ANKS1B: variants seen among roughly 807,000 people sequenced by gnomAD.
The protein encoded by ANKS1B is ankyrin repeat and sterile alpha motif domain containing 1B.
ANKS1B carries 36 observed loss-of-function variants against 148.3 expected under a neutral mutation model. That is an observed-to-expected ratio of 0.24 (90% CI 0.19 to 0.32). ANKS1B has a LOEUF of 0.32. ANKS1B is among the 10% of genes least tolerant of loss of function. The pLI, the probability that ANKS1B is intolerant of heterozygous loss-of-function variation, is 1.00. For synonymous variants in ANKS1B, 542 were observed against 560.8 expected (o/e 0.97, Z 0.47); for missense variants, 1,157 against 1,542.6 (o/e 0.75, Z 4.19).
chr12:99,926,486 A>G (rs2094479664), intron 1 of ANKS1B, among the ~76,000 whole-genome samples: 1 of 152,252 alleles, frequency 6.6e-6, no homozygotes, highest in Non-Finnish European at 1.5e-5. Flanking sequence ...TTAAAATGGG[A>G]TATCAGTTTT....
At chr12:99,427,595 T>G (rs1663116132) in intron 11 of ANKS1B, among the ~76,000 whole-genome samples, 1 of 152,284 alleles carries the variant, frequency 6.6e-6, no homozygotes, top group Middle Eastern at 3.4e-3. Flanking sequence ...GAAGTTATAT[T>G]CTCTATTTAT....
intron 1 of ANKS1B, among the ~76,000 whole-genome samples, chr12:99,913,560 G>A (rs562571129): frequency 1.3e-5 from 2 of 152,172 alleles, no homozygotes; most frequent in South Asian, 2.1e-4. Context: ...AAATAATGGT[G>A]TAGTAAATGG....
At position 99,825,397 on chromosome 12, in the gene ANKS1B, T is replaced by C. The variant is rs368044337; in HGVS notation, c.135-8A>G. ...TTGGGGCCTCGCCAGATGCTGCAAATAAAGCACAAGCGCAGAGTTAACAGT... is the reference window on the plus strand; with the variant it reads ...TTGGGGCCTCGCCAGATGCTGCAAACAAAGCACAAGCGCAGAGTTAACAGT... On this transcript the variant is annotated splice_region_variant and splice_polypyrimidine_tract_variant and intron_variant, in intron 1 of 26. Transcript: ENST00000683438. 17 of 1,606,174 alleles carry C rather than the reference T, an allele frequency of 1.1e-5. No individual in the cohort carries two copies. The African/African-American group carries it at 1.6e-4, about 15-fold the overall frequency.
At chr12:99,461,604 T>G (rs2095972184) in intron 10 of ANKS1B, among the ~76,000 whole-genome samples, 1 of 152,168 alleles carries the variant, frequency 6.6e-6, no homozygotes, top group African/African-American at 2.4e-5. Flanking sequence ...CCATACTTCC[T>G]CATAGCTATA....
At chr12:98,895,517 C>T (rs1214331976) in intron 17 of ANKS1B, among the ~76,000 whole-genome samples, 1 of 152,214 alleles carries the variant, frequency 6.6e-6, no homozygotes, top group Non-Finnish European at 1.5e-5. Context: ...GAGGCCACCT[C>T]GGGTTTCTTC....
At chr12:99,327,947 T>C (rs2086798953) in intron 12 of ANKS1B, among the ~76,000 whole-genome samples, 1 of 151,880 alleles carries the variant, frequency 6.6e-6, no homozygotes, top group African/African-American at 2.4e-5. Context: ...ATTTTCTGTG[T>C]GTGGTGAGGC....
chr12:98,898,895 C>T (rs574758639), intron 17 of ANKS1B, among the ~76,000 whole-genome samples: 209 of 152,156 alleles, frequency 1.4e-3, no homozygotes, highest in African/African-American at 4.4e-3. Context: ...AGAATGCAAC[C>T]GTCAACATAA....
intron 17 of ANKS1B, among the ~76,000 whole-genome samples, chr12:98,933,583 T>C (rs2099815706): frequency 1.3e-5 from 2 of 152,118 alleles, no homozygotes; most frequent in Non-Finnish European, 2.9e-5. Context: ...TATACTGCTT[T>C]TCATAGCAGC....
intron 17 of ANKS1B, among the ~76,000 whole-genome samples, chr12:99,043,951 T>C (rs888205227): frequency 1.3e-5 from 2 of 152,252 alleles, no homozygotes; most frequent in African/African-American, 4.8e-5. Flanking sequence ...TATCTGGCTT[T>C]CCTTTCATCT....
At chr12:99,295,748 C>T (rs1346144903) in intron 12 of ANKS1B, among the ~76,000 whole-genome samples, 1 of 152,130 alleles carries the variant, frequency 6.6e-6, no homozygotes, top group Non-Finnish European at 1.5e-5. Flanking sequence ...TCCTGATCCT[C>T]TTCCTCCTCC....
intron 9 of ANKS1B, among the ~76,000 whole-genome samples, chr12:99,558,164 C>T (rs1290038512): frequency 1.3e-5 from 2 of 152,296 alleles, no homozygotes; most frequent in East Asian, 1.9e-4. Flanking sequence ...GGGATGCACA[C>T]ACATGATGGG....
At chr12:98,974,587 A>C (rs1234028816) in intron 17 of ANKS1B, among the ~76,000 whole-genome samples, 1 of 152,176 alleles carries the variant, frequency 6.6e-6, no homozygotes, top group Non-Finnish European at 1.5e-5. Flanking sequence ...TAAAAAGAGA[A>C]TCATGAAGTA....
intron 17 of ANKS1B, among the ~76,000 whole-genome samples, chr12:98,858,537 G>A (rs979991297): frequency 1.9e-4 from 29 of 152,120 alleles, no homozygotes; most frequent in African/African-American, 6.5e-4. Context: ...ATGGGGTTTC[G>A]TCATGTTGCC....
chr12:99,417,994 A>G (rs1251185897), intron 11 of ANKS1B, among the ~76,000 whole-genome samples: 2 of 152,244 alleles, frequency 1.3e-5, no homozygotes, highest in African/African-American at 4.8e-5. Context: ...GCTGTCCTTC[A>G]GAAATGAGAG....
intron 1 of ANKS1B, among the ~76,000 whole-genome samples, chr12:99,848,939 G>A (rs2087200497): frequency 6.6e-6 from 1 of 152,058 alleles, no homozygotes; most frequent in Admixed American, 6.6e-5. Context: ...AACTAACACA[G>A]AAACAGAAAA....
rs772231873 is a variant in ANKS1B at position 99,231,119 on chromosome 12, G to A, written c.2419+13223C>T. Among the ~76,000 whole-genome samples the A allele has an allele frequency of 1.4e-4, 21 of 152,126 alleles. 1 individual carries two copies. Among genetic ancestry groups the A allele is most frequent in the Non-Finnish European group, 1.9e-4 (13 of 68,026 alleles). On this transcript the variant is annotated intron_variant, in intron 14 of 26. Coordinates refer to ENST00000683438, the MANE Select transcript of ANKS1B (RefSeq NM_001352186.2). ...CTCCTCTGAAAATAAGTGAAACCTA[G>A]GTCGTCATTAGAGTTTGTGCATTCA... is the stretch of plus-strand genomic sequence containing the variant.
At chr12:99,838,476 GT>G (rs1391440768) in intron 1 of ANKS1B, among the ~76,000 whole-genome samples, 1 of 151,908 alleles carries the variant, frequency 6.6e-6, no homozygotes, top group East Asian at 1.9e-4. Flanking sequence ...TTTGTATTGA[GT>G]TTTTCATTAT....
At chr12:99,662,045 T>A (rs1293305079) in intron 8 of ANKS1B, among the ~76,000 whole-genome samples, 2 of 152,212 alleles carry the variant, frequency 1.3e-5, no homozygotes, top group Admixed American at 1.3e-4. Context: ...AGGTGATCCC[T>A]ACCAGCCTTG....
At chr12:98,819,650 A>T (rs1248969863) in intron 19 of ANKS1B, among the ~76,000 whole-genome samples, 1 of 152,192 alleles carries the variant, frequency 6.6e-6, no homozygotes, top group Non-Finnish European at 1.5e-5. Context: ...GCTGTCTGTA[A>T]GGATGTATTA....
Sources: allele counts gnomAD v4.1 joint callset (sites outside exome capture counted in the v4.1 genomes callset), GRCh38; gene constraint gnomAD v4.1.1; transcripts MANE v1.5; gene names NCBI Gene and HGNC (gene_info 2026-07-23, HGNC 2026-07-21).